Variants in DAPK1 observed in about 807,000 individuals in gnomAD.
DAPK1 encodes the protein death-associated protein kinase 1.
DAPK1 carries 56 observed loss-of-function variants against 144.9 expected under a neutral mutation model. That is an observed-to-expected ratio of 0.39 (90% CI 0.31 to 0.48). DAPK1 has a LOEUF of 0.48. DAPK1 is among the 20% of genes least tolerant of loss of function. The probability of loss-of-function intolerance (pLI) is 0.95; values close to 1 mark genes in which losing one functional copy is unlikely to be tolerated. For missense variants in DAPK1, 1,454 were observed against 1,875.4 expected, an observed-to-expected ratio of 0.78 and a Z score of 4.15; for synonymous variants, 690 against 749.0, an observed-to-expected ratio of 0.92 and a Z score of 1.29.
intron 2 of DAPK1, chr9:87,525,287 A>T (rs370394710): frequency 6.3e-7 from 1 of 1,594,956 alleles, no homozygotes; most frequent in Non-Finnish European, 8.6e-7. Context: ...ACCTCGTTGC[A>T]CTCCTGAGAG....
At chr9:87,616,396 G>A (rs1420850292) in intron 3 of DAPK1, among the ~76,000 whole-genome samples, 1 of 152,186 alleles carries the variant, frequency 6.6e-6, no homozygotes, top group Admixed American at 6.5e-5. Context: ...AGGAAGAACA[G>A]CAGGATCTGA....
chr9:87,518,710 G>A (rs891706403), intron 2 of DAPK1, among the ~76,000 whole-genome samples: 1 of 152,136 alleles, frequency 6.6e-6, no homozygotes, highest in Non-Finnish European at 1.5e-5. Context: ...CTCTGTATCT[G>A]TGGAGTAGCG....
intron 17 of DAPK1, among the ~76,000 whole-genome samples, chr9:87,655,250 C>G (rs1587816101): frequency 6.6e-6 from 1 of 152,180 alleles, no homozygotes. Context: ...TCTCTGCCCC[C>G]GCAGACAGGC....
chr9:87,681,911 C>T (rs1824644324), intron 20 of DAPK1, among the ~76,000 whole-genome samples: 1 of 152,182 alleles, frequency 6.6e-6, no homozygotes, highest in South Asian at 2.1e-4. Flanking sequence ...GCAGAATTTG[C>T]ACAGTCAGCT....
chr9:87,528,275 T>A (rs1825583678), intron 2 of DAPK1, among the ~76,000 whole-genome samples: 1 of 151,668 alleles, frequency 6.6e-6, no homozygotes, highest in South Asian at 2.1e-4. Flanking sequence ...TGGAGTGCAA[T>A]GGTGATGTCT....
chr9:87,574,882 C>T (rs1019304572), intron 2 of DAPK1, among the ~76,000 whole-genome samples: 2 of 151,750 alleles, frequency 1.3e-5, no homozygotes, highest in East Asian at 1.9e-4. Flanking sequence ...GATCATGCCA[C>T]GGCACTCCAG....
At chr9:87,647,544 A>T (rs1278590076) in intron 14 of DAPK1, 141 bp downstream of exon 14, 1 of 722,668 alleles carries the variant, frequency 1.4e-6, no homozygotes, top group African/African-American at 1.7e-5. Context: ...TTAAGTTGGA[A>T]ATGTCTTGTT....
intron 17 of DAPK1, chr9:87,657,823 G>A (rs993659127): frequency 1.0e-5 from 6 of 576,140 alleles, no homozygotes; most frequent in African/African-American, 9.4e-5. Context: ...GTTGTATTTT[G>A]AAGCTCCTCT....
chr9:87,555,252 C>T (rs1826663343), intron 2 of DAPK1, among the ~76,000 whole-genome samples: 3 of 152,198 alleles, frequency 2.0e-5, no homozygotes, highest in South Asian at 4.1e-4. Context: ...TTCCATAATA[C>T]AGCACGTTCT....
At chr9:87,505,222 C>A (rs886733552) in intron 2 of DAPK1, among the ~76,000 whole-genome samples, 1 of 152,194 alleles carries the variant, frequency 6.6e-6, no homozygotes, top group African/African-American at 2.4e-5. Flanking sequence ...AGCCAACTGC[C>A]ATGAGTACCT....
At chr9:87,679,659 C>A (rs2149380) in intron 19 of DAPK1, among the ~76,000 whole-genome samples, 85,811 of 152,078 alleles carry the variant, frequency 0.56, 24,572 homozygotes, top group Middle Eastern at 0.72. Context: ...TCCTGTTGTC[C>A]GCACTGCGCT....
intron 2 of DAPK1, among the ~76,000 whole-genome samples, chr9:87,602,410 A>C (rs1828556255): frequency 6.6e-6 from 1 of 152,168 alleles, no homozygotes. Context: ...AAACGAAGGC[A>C]CCACAGTTCC....
Position 87,593,025 on chromosome 9 carries a change from T to C in DAPK1, c.63-11929T>C, listed in dbSNP as rs1169841089. Reference sequence around the variant, plus strand: ...GAGCACTGTAAAAAGGATTCTTCTTTGCTGGGCTGACAGCCAGACAGCCAC... The same window carrying C: ...GAGCACTGTAAAAAGGATTCTTCTTCGCTGGGCTGACAGCCAGACAGCCAC... On this transcript the variant is annotated intron_variant, in intron 2 of 25. Coordinates refer to ENST00000408954, the MANE Select transcript of DAPK1 (RefSeq NM_004938.4). Among the ~76,000 whole-genome samples, 4 of 152,210 alleles carry C rather than the reference T, an allele frequency of 2.6e-5. No individual in the cohort carries two copies. In the East Asian group the frequency reaches 7.7e-4, roughly 29 times the overall value.
intron 14 of DAPK1, 62 bp from the exon 15 acceptor site, chr9:87,648,719 T>C (rs911253490): frequency 1.4e-6 from 2 of 1,457,386 alleles, no homozygotes; most frequent in African/African-American, 2.8e-5. Context: ...GGCCTTGGGT[T>C]CTGGTCTCCA....
At chr9:87,562,248 G>T (rs1044544003) in intron 2 of DAPK1, among the ~76,000 whole-genome samples, 4 of 152,200 alleles carry the variant, frequency 2.6e-5, no homozygotes, top group Non-Finnish European at 5.9e-5. Context: ...GTTAGGATGG[G>T]CAAAGTCATG....
Position 87,655,917 on chromosome 9 carries a change from G to A in DAPK1, c.1825-2112G>A, listed in dbSNP as rs567225377. 3.9e-5 allele frequency among the ~76,000 whole-genome samples: 6 copies of A among 152,310 alleles called. No individual in the cohort carries two copies. The South Asian group carries it at 1.2e-3, about 32-fold the overall frequency. On this transcript the variant is annotated intron_variant, in intron 17 of 25. Transcript: ENST00000408954. ...AGGTGTTTATCGAGGCCCTTCCAGG[G>A]CAGCACTGTGCCCAGCGCAGAGGGA...
At chr9:87,632,343 A>G (rs1829724550) in intron 3 of DAPK1, 4 of 984,148 alleles carry the variant, frequency 4.1e-6, no homozygotes, top group Non-Finnish European at 4.8e-6. Flanking sequence ...AAGGAGGATG[A>G]GTACATATGT....
chr9:87,649,432 T>C (rs191269722), intron 15 of DAPK1, among the ~76,000 whole-genome samples: 1 of 152,346 alleles, frequency 6.6e-6, no homozygotes, highest in East Asian at 1.9e-4. Flanking sequence ...CTGTTACCAC[T>C]CACCTTGTGT....
intron 2 of DAPK1, among the ~76,000 whole-genome samples, chr9:87,527,835 A>AT (rs1445669618): frequency 5.3e-5 from 8 of 152,226 alleles, no homozygotes; most frequent in African/African-American, 1.7e-4. Flanking sequence ...AAGCACACAC[A>AT]TTAAGCCAGG....
Sources: allele counts gnomAD v4.1 joint callset (sites outside exome capture counted in the v4.1 genomes callset), GRCh38; gene constraint gnomAD v4.1.1; transcripts MANE v1.5; gene names NCBI Gene and HGNC (gene_info 2026-07-23, HGNC 2026-07-21).